The following ACSL1 variants were observed in gnomAD, a reference collection of about 807,000 sequenced individuals.
ACSL1 encodes the protein acyl-CoA synthetase long chain family member 1, also known as long-chain-fatty-acid--CoA ligase 1.
Under a neutral mutation model 98.4 loss-of-function variants are expected in ACSL1, and 41 were observed. That is an observed-to-expected ratio of 0.42 (90% CI 0.32 to 0.54). ACSL1 has a LOEUF of 0.54. Among genes scored for constraint, ACSL1 ranks in the 20% least tolerant of loss-of-function variants. ACSL1 has a pLI of 0.13. For synonymous variants in ACSL1, 316 were observed against 322.7 expected (o/e 0.98, Z 0.22); for missense variants, 734 against 883.1 (o/e 0.83, Z 2.14).
Position 184,765,879 on chromosome 4 carries a change from C to A in ACSL1, c.1359+12G>T. Reference sequence around the variant, plus strand: ...AGTGTGGGAGAATCAGGCGCCGTGACATCCACCTCACCTGACAGCCCAGGG... The same window carrying A: ...AGTGTGGGAGAATCAGGCGCCGTGAAATCCACCTCACCTGACAGCCCAGGG... On this transcript the variant is annotated intron_variant, in intron 14 of 20. Transcript: ENST00000281455. 1 of 1,610,106 alleles carries A rather than the reference C, an allele frequency of 6.2e-7. No individual in the cohort carries two copies. Among genetic ancestry groups the A allele is most frequent in the Non-Finnish European group, 8.5e-7 (1 of 1,177,316 alleles).
intron 3 of ACSL1, among the ~76,000 whole-genome samples, chr4:184,784,642 A>G (rs1374562656): frequency 6.6e-6 from 1 of 152,196 alleles, no homozygotes; most frequent in African/African-American, 2.4e-5. Flanking sequence ...AGGGGACCAT[A>G]GTGCATCTGG....
intron 1 of ACSL1, among the ~76,000 whole-genome samples, chr4:184,822,851 C>A (rs991730634): frequency 6.6e-6 from 1 of 152,162 alleles, no homozygotes; most frequent in Non-Finnish European, 1.5e-5. Flanking sequence ...CAAGGCTTGC[C>A]ACAAACTGAA....
At position 184,825,725 on chromosome 4, in the gene ACSL1, C is replaced by G. The variant is rs1426403117; in HGVS notation, c.-33+191G>C. The stretch of plus-strand genomic sequence containing the variant: ...GGGCACCCCGGAGGCCTCCGGCTGC[C>G]GAGGGAAGCGGGGCCGCGGGCAGGA... On this transcript the variant is annotated intron_variant, in intron 1 of 20. Coordinates refer to ENST00000281455, the MANE Select transcript of ACSL1 (RefSeq NM_001995.5). The surrounding 1 kb of genome is among the most constrained non-coding windows in gnomAD (Gnocchi z 4.7). 7.3e-5 allele frequency among the ~76,000 whole-genome samples: 11 copies of G among 149,818 alleles called. No homozygotes were observed. The highest frequency in any genetic ancestry group is 1.3e-4 in the Non-Finnish European group (9 of 67,048).
At chr4:184,804,893 A>G (rs1488790938) in intron 1 of ACSL1, among the ~76,000 whole-genome samples, 1 of 152,216 alleles carries the variant, frequency 6.6e-6, no homozygotes, top group African/African-American at 2.4e-5. Context: ...AGGTAAAAAC[A>G]CTGCCTACAA....
At chr4:184,784,045 A>T (rs1010184618) in intron 3 of ACSL1, 54 bp from the exon 4 acceptor site, 1 of 1,463,578 alleles carries the variant, frequency 6.8e-7, no homozygotes, top group African/African-American at 1.4e-5. Context: ...ATATTCCTAG[A>T]TTTTAATTTG....
chr4:184,787,433 C>T (rs1187067486), intron 3 of ACSL1, among the ~76,000 whole-genome samples: 1 of 152,122 alleles, frequency 6.6e-6, no homozygotes, highest in Non-Finnish European at 1.5e-5. Flanking sequence ...GGAAGAAATG[C>T]TTCACTCAGA....
intron 1 of ACSL1, among the ~76,000 whole-genome samples, chr4:184,810,869 T>C (rs1771993151): frequency 6.6e-6 from 1 of 152,158 alleles, no homozygotes; most frequent in Admixed American, 6.5e-5. Context: ...AAATGCGTCC[T>C]CGTCACAGTC....
Position 184,776,464 on chromosome 4 carries a change from G to A in ACSL1, c.756+20C>T, listed in dbSNP as rs1765304640. 1 of 1,604,316 alleles carries A rather than the reference G, an allele frequency of 6.2e-7. No individual in the cohort carries two copies. The highest frequency in any genetic ancestry group is 1.7e-5 in the Admixed American group (1 of 58,600). On this transcript the variant is annotated intron_variant, in intron 7 of 20. Transcript: ENST00000281455. Reference sequence around the variant, plus strand: ...CCCCAGGGAAAGCCTTCAGAGAAGGGAAGGAGGCAGGGCACTCACCTCCAT... The same window carrying A: ...CCCCAGGGAAAGCCTTCAGAGAAGGAAAGGAGGCAGGGCACTCACCTCCAT...
rs1344652996 is a variant in ACSL1, at chr4:184,757,395, C to A, written c.1957-130G>T. 1.6e-6 allele frequency: 2 copies of A among 1,224,092 alleles called. No individual in the cohort carries two copies. Among genetic ancestry groups the A allele is most frequent in the Non-Finnish European group, 1.1e-6 (1 of 891,658 alleles). The allele number at this position is 1,224,092 out of a possible 1,614,324, so 75.8% of individuals were successfully genotyped here. ...ATCCTCTCATTTCAGCCAAGCTGCA[C>A]CTTCTCAACAAAGGACAGGCATCCT... On this transcript the variant is annotated intron_variant, in intron 20 of 20. Transcript: ENST00000281455. This position sits in a 1 kb window ranked among gnomAD's most constrained non-coding sequence, Gnocchi z 4.5.
chr4:184,784,217 G>A (rs1339264830), intron 3 of ACSL1, among the ~76,000 whole-genome samples: 1 of 152,122 alleles, frequency 6.6e-6, no homozygotes, highest in African/African-American at 2.4e-5. Flanking sequence ...AGGAGAGGGG[G>A]ACAGAGGGGA....
At position 184,822,655 on chromosome 4, in the gene ACSL1, A is replaced by G. The variant is rs1406308305; in HGVS notation, c.-33+3261T>C. Among the ~76,000 whole-genome samples, 4 of 152,196 alleles carry G rather than the reference A, an allele frequency of 2.6e-5. No individual in the cohort carries two copies. The East Asian group carries it at 7.7e-4, about 29-fold the overall frequency. The stretch of plus-strand genomic sequence containing the variant: ...TGGAGAGGCTGAAGTGGGAGGATCA[A>G]CTGAGCCCAGGGAGGTGGAGAGGCT... On this transcript the variant is annotated intron_variant, in intron 1 of 20. Coordinates refer to ENST00000281455, the MANE Select transcript of ACSL1 (RefSeq NM_001995.5).
At chr4:184,806,486 C>A (rs549725495) in intron 1 of ACSL1, among the ~76,000 whole-genome samples, 1 of 152,294 alleles carries the variant, frequency 6.6e-6, no homozygotes, top group African/African-American at 2.4e-5. Context: ...TAGAGTAACT[C>A]CCATAAAACC....
chr4:184,788,629 T>C lies in ACSL1; in HGVS notation c.298A>G (p.Ile100Val). 6.2e-7 allele frequency: 1 copy of C among 1,614,018 alleles called. No homozygotes were observed. Among genetic ancestry groups the C allele is most frequent in the Admixed American group, 1.7e-5 (1 of 60,022 alleles). Residue 100 changes from isoleucine to valine, a missense_variant, in exon 3 of 21, where the codon ATA (isoleucine) becomes GTA (valine). By Grantham distance (29) the Ile-to-Val change is conservative. Transcript: ENST00000281455. ...GGAAAATGCTTACTTGACACCTGTA[T>C]TCCCCTCTGGAAACCTTCGTATAAT... The part of the protein sequence containing the change: ...TTLYEGFQRG[I>V]QVSNNGPCLG...
At chr4:184,784,164 A>AT (rs1441069001) in intron 3 of ACSL1, among the ~76,000 whole-genome samples, 173 bp from the exon 4 acceptor site, 2 of 151,944 alleles carry the variant, frequency 1.3e-5, no homozygotes, top group Non-Finnish European at 2.9e-5. Context: ...TTTTGGTCTG[A>AT]TTTTTTCTTT....
intron 1 of ACSL1, among the ~76,000 whole-genome samples, chr4:184,816,893 G>A (rs1021107325): frequency 3.3e-5 from 5 of 152,020 alleles, no homozygotes; most frequent in African/African-American, 1.2e-4. Context: ...GAGGCAACCT[G>A]AATATTGACT....
In ACSL1 at chr4:184,803,533, CT is replaced by C; in HGVS notation, c.-20del. ...CTTGCATTGTCCTGTGTTGATAGTT[CT>C]CTAAGCTGAATTCTGTTGGGAGAGA... On this transcript the variant is annotated 5_prime_UTR_variant, in exon 2 of 21. Transcript: ENST00000281455. This position sits in a 1 kb window ranked among gnomAD's most constrained non-coding sequence, Gnocchi z 4.8. 6.8e-7 allele frequency: 1 copy of C among 1,478,530 alleles called. No homozygotes were observed. The highest frequency in any genetic ancestry group is 9.0e-7 in the Non-Finnish European group (1 of 1,106,770). The allele number at this position is 1,478,530 out of a possible 1,614,324, so 91.6% of individuals were successfully genotyped here. A position where few individuals can be genotyped will look rare whatever the true frequency, so the allele number is the denominator to read the frequency against.
chr4:184,794,112 G>A (rs1361502507), intron 2 of ACSL1, among the ~76,000 whole-genome samples: 1 of 152,120 alleles, frequency 6.6e-6, no homozygotes, highest in Non-Finnish European at 1.5e-5. Flanking sequence ...TTTAATCCAC[G>A]GATACAGAGC....
At chr4:184,806,862 C>T (rs1771493701) in intron 1 of ACSL1, among the ~76,000 whole-genome samples, 1 of 152,192 alleles carries the variant, frequency 6.6e-6, no homozygotes, top group Non-Finnish European at 1.5e-5. Flanking sequence ...AGGTAACAAG[C>T]TGCAAGCCAA....
Position 184,773,167 on chromosome 4 carries a change from T to C in ACSL1, c.842-13A>G, listed in dbSNP as rs574999315. ...CCTTTGGGGTTGCCTGTGGAGCACA[T>C]ATGAAGCAGAACAAAGTTAAAGAAT... is the stretch of plus-strand genomic sequence containing the variant. On this transcript the variant is annotated splice_polypyrimidine_tract_variant and intron_variant, in intron 9 of 20. Transcript: ENST00000281455. The surrounding 1 kb of genome is among the most constrained non-coding windows in gnomAD (Gnocchi z 4.3). 1 of 1,609,690 alleles carries C rather than the reference T, an allele frequency of 6.2e-7. No homozygotes were observed. The highest frequency in any genetic ancestry group is 1.1e-5 in the South Asian group (1 of 90,956).
Sources: gnomAD v4.1 joint callset for allele counts (sites outside exome capture counted in the v4.1 genomes callset) on GRCh38, gnomAD v4.1.1 for gene constraint, Gnocchi (gnomAD v3.1) non-coding constraint, MANE v1.5 for transcripts, NCBI Gene and HGNC (gene_info 2026-07-23, HGNC 2026-07-21) for gene names.